Variants in ASIC2 observed in about 807,000 individuals in gnomAD.
ASIC2 encodes the protein acid-sensing ion channel 2.
A neutral mutation model predicts 57.3 loss-of-function variants in ASIC2; 25 were observed. That is an observed-to-expected ratio of 0.44 (90% CI 0.32 to 0.61). ASIC2 has a LOEUF of 0.61. Ranked by LOEUF, ASIC2 falls within the 20% of genes least tolerant of loss-of-function variation. The probability of loss-of-function intolerance (pLI) is 0.06; values close to 1 mark genes in which losing one functional copy is unlikely to be tolerated. For synonymous variants in ASIC2, 319 were observed against 307.5 expected (o/e 1.04, Z -0.39); for missense variants, 641 against 738.1 (o/e 0.87, Z 1.52).
intron 1 of ASIC2, among the ~76,000 whole-genome samples, chr17:33,801,592 T>C (rs1480135620): frequency 3.3e-5 from 5 of 152,180 alleles, no homozygotes; most frequent in Admixed American, 6.5e-5. Flanking sequence ...AAGAAACATA[T>C]AGTATACATC....
intron 1 of ASIC2, among the ~76,000 whole-genome samples, chr17:33,243,700 C>T (rs914185367): frequency 6.6e-6 from 1 of 152,218 alleles, no homozygotes; most frequent in Non-Finnish European, 1.5e-5. Flanking sequence ...AAAACAGGAC[C>T]CATTCTTGCT....
chr17:33,431,575 A>G (rs1911421677), intron 1 of ASIC2, among the ~76,000 whole-genome samples: 1 of 152,210 alleles, frequency 6.6e-6, no homozygotes, highest in Non-Finnish European at 1.5e-5. Context: ...ACTGTACTCC[A>G]GCCTGGGTGA....
intron 1 of ASIC2, among the ~76,000 whole-genome samples, chr17:33,162,696 T>C (rs544605050): frequency 6.6e-6 from 1 of 152,350 alleles, no homozygotes; most frequent in South Asian, 2.1e-4. Context: ...TGGCTCACTA[T>C]TGAATGTCAA....
At chr17:33,525,695 G>A (rs1176956405) in intron 1 of ASIC2, among the ~76,000 whole-genome samples, 5 of 152,216 alleles carry the variant, frequency 3.3e-5, no homozygotes, top group African/African-American at 1.2e-4. Flanking sequence ...AGAAGGTCAA[G>A]TGTCTGTAAC....
At chr17:33,463,353 T>G (rs566498765) in intron 1 of ASIC2, among the ~76,000 whole-genome samples, 11 of 152,356 alleles carry the variant, frequency 7.2e-5, no homozygotes, top group African/African-American at 2.6e-4. Flanking sequence ...ACTGTCTTAA[T>G]GCATCATGAT....
At position 33,879,549 on chromosome 17, in the gene ASIC2, A is replaced by T. The variant is rs1914645508; in HGVS notation, c.555+276429T>A. 2.6e-5 allele frequency among the ~76,000 whole-genome samples: 4 copies of T among 152,220 alleles called. No homozygotes were observed. In the South Asian group the frequency reaches 8.3e-4, roughly 32 times the overall value. On this transcript the variant is annotated intron_variant, in intron 1 of 9. Transcript: ENST00000359872. Reference sequence around the variant, plus strand: ...GTAAAGGGATCAATGCAACAAGAAGAGCTAACTATCCTAAATATATATGCA... The same window carrying T: ...GTAAAGGGATCAATGCAACAAGAAGTGCTAACTATCCTAAATATATATGCA...
chr17:33,700,685 T>G (rs1908669908), intron 1 of ASIC2, among the ~76,000 whole-genome samples: 1 of 152,182 alleles, frequency 6.6e-6, no homozygotes, highest in Non-Finnish European at 1.5e-5. Flanking sequence ...TTCATATTAG[T>G]GTTAGGGTTC....
chr17:33,305,134 A>C (rs936448676), intron 1 of ASIC2, among the ~76,000 whole-genome samples: 4 of 152,210 alleles, frequency 2.6e-5, no homozygotes, highest in African/African-American at 4.8e-5. Flanking sequence ...GGAACTTTGC[A>C]TGCATTATTT....
intron 1 of ASIC2, among the ~76,000 whole-genome samples, chr17:33,758,102 C>G (rs988914371): frequency 6.6e-6 from 1 of 152,194 alleles, no homozygotes; most frequent in Non-Finnish European, 1.5e-5. Flanking sequence ...ATTCACAAAA[C>G]CGCAAACACT....
At chr17:34,028,342 A>G (rs8072154) in intron 1 of ASIC2, among the ~76,000 whole-genome samples, 2 of 152,106 alleles carry the variant, frequency 1.3e-5, no homozygotes, top group Admixed American at 1.3e-4. Context: ...TTTCTTTGCA[A>G]TTCCTAACAT....
chr17:34,095,726 G>A (rs143119871), intron 1 of ASIC2, among the ~76,000 whole-genome samples: 1 of 140,734 alleles, frequency 7.1e-6, no homozygotes, highest in African/African-American at 2.6e-5. Context: ...TATATAGAGA[G>A]ATATATATAT....
intron 1 of ASIC2, among the ~76,000 whole-genome samples, chr17:33,939,356 C>T (rs1350673836): frequency 6.6e-6 from 1 of 152,196 alleles, no homozygotes; most frequent in Non-Finnish European, 1.5e-5. Flanking sequence ...TGAATCAGAA[C>T]TAGAAACAAT....
intron 1 of ASIC2, among the ~76,000 whole-genome samples, chr17:34,019,129 T>C (rs913715801): frequency 6.6e-6 from 1 of 152,086 alleles, no homozygotes. Context: ...AGGATGGTCT[T>C]GATCTCCTGA....
chr17:34,065,800 A>C (rs544766635), intron 1 of ASIC2, among the ~76,000 whole-genome samples: 1 of 152,306 alleles, frequency 6.6e-6, no homozygotes, highest in African/African-American at 2.4e-5. Context: ...GAGAAGAGTA[A>C]TCAAAAGGGA....
intron 1 of ASIC2, among the ~76,000 whole-genome samples, chr17:33,493,731 C>T (rs1913837013): frequency 6.6e-6 from 1 of 152,102 alleles, no homozygotes; most frequent in African/African-American, 2.4e-5. Context: ...CCATCCTTCC[C>T]CCAAGATAGC....
At chr17:33,892,870 C>T (rs1001576351) in intron 1 of ASIC2, among the ~76,000 whole-genome samples, 52 of 152,082 alleles carry the variant, frequency 3.4e-4, no homozygotes, top group African/African-American at 8.5e-4. Context: ...TTAGCAGCAG[C>T]GAACCAAGGG....
At chr17:33,139,755 A>G (rs2092379958) in intron 1 of ASIC2, among the ~76,000 whole-genome samples, 1 of 152,158 alleles carries the variant, frequency 6.6e-6, no homozygotes, top group African/African-American at 2.4e-5. Context: ...CTTGAAGAGT[A>G]CCTGTATACT....
chr17:33,674,227 G>A (rs1265139106), intron 1 of ASIC2, among the ~76,000 whole-genome samples: 2 of 151,998 alleles, frequency 1.3e-5, no homozygotes, highest in African/African-American at 4.8e-5. Context: ...GAAGCTCCGT[G>A]CTCCAAGAAG....
At chr17:33,754,110 C>G (rs1055871227) in intron 1 of ASIC2, among the ~76,000 whole-genome samples, 1 of 152,120 alleles carries the variant, frequency 6.6e-6, no homozygotes, top group Non-Finnish European at 1.5e-5. Context: ...TCCACCCCAG[C>G]CTCCCTGCAC....
Sources: gnomAD v4.1 joint callset for allele counts (sites outside exome capture counted in the v4.1 genomes callset) on GRCh38, gnomAD v4.1.1 for gene constraint, MANE v1.5 for transcripts, NCBI Gene and HGNC (gene_info 2026-07-23, HGNC 2026-07-21) for gene names.